CSMD1: variants seen among roughly 807,000 people sequenced by gnomAD.
The protein encoded by CSMD1 is CUB and Sushi multiple domains 1.
Under a neutral mutation model 417.5 loss-of-function variants are expected in CSMD1, and 213 were observed. That is an observed-to-expected ratio of 0.51 (90% CI 0.46 to 0.57). CSMD1 has a LOEUF of 0.57. CSMD1 is among the 20% of genes least tolerant of loss of function. The pLI is 0.00. For synonymous variants in CSMD1, 2,862 were observed against 1,736.8 expected (o/e 1.65, Z -16.11); for missense variants, 6,923 against 4,529.7 (o/e 1.53, Z -15.17).
At chr8:4,043,664 G>C (rs750072576) in intron 3 of CSMD1, among the ~76,000 whole-genome samples, 1 of 152,122 alleles carries the variant, frequency 6.6e-6, no homozygotes, top group Admixed American at 6.5e-5. Flanking sequence ...TGGTTCCTGG[G>C]TGAAACCATA....
chr8:4,764,872 C>CAAAAA (rs1194894751), intron 1 of CSMD1, among the ~76,000 whole-genome samples: 33 of 50,868 alleles, frequency 6.5e-4, no homozygotes, highest in Non-Finnish European at 8.1e-4. Context: ...GACTCCATCT[C>CAAAAA]AAAAAAAAAA....
intron 3 of CSMD1, among the ~76,000 whole-genome samples, chr8:4,260,390 TTTG>T (rs1482625436): frequency 6.6e-6 from 1 of 152,218 alleles, no homozygotes; most frequent in Non-Finnish European, 1.5e-5. Context: ...ACTTCGGGTT[TTTG>T]TTAACACTAA....
chr8:3,291,347 G>C (rs962278819), intron 25 of CSMD1, among the ~76,000 whole-genome samples: 1 of 68,464 alleles, frequency 1.5e-5, no homozygotes, highest in Non-Finnish European at 3.1e-5. Flanking sequence ...CATAAAATAA[G>C]TTAGGGAGGA....
At chr8:4,657,817 G>A (rs905416047) in intron 1 of CSMD1, among the ~76,000 whole-genome samples, 1 of 151,168 alleles carries the variant, frequency 6.6e-6, no homozygotes, top group African/African-American at 2.4e-5. Flanking sequence ...ATAGCTAAAG[G>A]AAACCATAGA....
At chr8:4,346,102 C>A (rs1584933712) in intron 3 of CSMD1, among the ~76,000 whole-genome samples, 1 of 152,122 alleles carries the variant, frequency 6.6e-6, no homozygotes, top group African/African-American at 2.4e-5. Context: ...AACTAGAAAT[C>A]TTCAGCATTA....
chr8:4,435,233 C>A (rs1798086655), intron 2 of CSMD1, among the ~76,000 whole-genome samples: 1 of 151,946 alleles, frequency 6.6e-6, no homozygotes, highest in African/African-American at 2.4e-5. Context: ...GAAAATTAAA[C>A]CTTGAAAAAA....
chr8:3,699,865 C>T (rs1445479794), intron 7 of CSMD1, among the ~76,000 whole-genome samples: 1 of 152,232 alleles, frequency 6.6e-6, no homozygotes. Flanking sequence ...AACTACATCC[C>T]TGGGTTATAT....
intron 1 of CSMD1, among the ~76,000 whole-genome samples, chr8:4,959,711 AC>A (rs1324073537): frequency 6.6e-6 from 1 of 152,194 alleles, no homozygotes; most frequent in East Asian, 1.9e-4. Flanking sequence ...CTCTCAGTTC[AC>A]GGAATGTCAA....
chr8:4,150,874 C>T (rs1338589940), intron 3 of CSMD1, among the ~76,000 whole-genome samples: 1 of 75,348 alleles, frequency 1.3e-5, no homozygotes, highest in Non-Finnish European at 2.6e-5. Context: ...AAAAAAATGT[C>T]CTGCTGAGAA....
chr8:4,847,004 G>T (rs1278745604), intron 1 of CSMD1, among the ~76,000 whole-genome samples: 1 of 151,984 alleles, frequency 6.6e-6, no homozygotes, highest in Non-Finnish European at 1.5e-5. Context: ...TTAATGATTT[G>T]TCAGTAGAAG....
At chr8:4,203,121 A>T (rs1460190195) in intron 3 of CSMD1, among the ~76,000 whole-genome samples, 1 of 152,194 alleles carries the variant, frequency 6.6e-6, no homozygotes, top group African/African-American at 2.4e-5. Flanking sequence ...TTGTCATAAC[A>T]TTTCTTAAAA....
chr8:3,695,115 T>TGTGTGTGTGTGTGTGTGG (rs999676752), intron 7 of CSMD1, among the ~76,000 whole-genome samples: 1 of 151,202 alleles, frequency 6.6e-6, no homozygotes, highest in Non-Finnish European at 1.5e-5. Context: ...TGTGTGTGTG[T>TGTGTGTGTGTGTGTGTGG]GGTTATTGAA....
chr8:4,667,869 G>A (rs1233986498), intron 1 of CSMD1, among the ~76,000 whole-genome samples: 1 of 152,038 alleles, frequency 6.6e-6, no homozygotes, highest in East Asian at 1.9e-4. Flanking sequence ...CTTAATGCAC[G>A]GCTAAAACTG....
intron 3 of CSMD1, among the ~76,000 whole-genome samples, chr8:4,201,888 G>C (rs1409844741): frequency 6.0e-4 from 2 of 3,332 alleles, no homozygotes; most frequent in Non-Finnish European, 7.2e-3. Context: ...TGGAAATTTT[G>C]GGGGGGGGGG....
intron 1 of CSMD1, among the ~76,000 whole-genome samples, chr8:4,757,543 G>A (rs1396063752): frequency 6.6e-6 from 1 of 152,152 alleles, no homozygotes; most frequent in African/African-American, 2.4e-5. Context: ...TACCATGTAG[G>A]TGACACAGAC....
chr8:4,990,862 A>C (rs1811425516), intron 1 of CSMD1, among the ~76,000 whole-genome samples: 1 of 152,162 alleles, frequency 6.6e-6, no homozygotes, highest in Non-Finnish European at 1.5e-5. Flanking sequence ...CAGGTATGGG[A>C]GGGCGCACCT....
chr8:3,929,011 T>G (rs753354145), intron 5 of CSMD1, among the ~76,000 whole-genome samples: 2 of 150,552 alleles, frequency 1.3e-5, no homozygotes, highest in Non-Finnish European at 3.0e-5. Flanking sequence ...TACCGATTTT[T>G]GGTTTCCCTG....
chr8:3,678,067 C>T (rs918640231), intron 7 of CSMD1, among the ~76,000 whole-genome samples: 11 of 152,168 alleles, frequency 7.2e-5, no homozygotes, highest in Middle Eastern at 3.4e-3. Context: ...TCAAAGATGG[C>T]TGAATAGGAA....
rs145775937 is a variant in CSMD1, at chr8:3,972,614, C to T, written c.818+25289G>A. ...AACGGCCTTTATTTTTAATGTACTA[C>T]TAAGCCATTTGCTTAAGTTAGTTTA... is the stretch of plus-strand genomic sequence containing the variant. On this transcript the variant is annotated intron_variant, in intron 5 of 69. Coordinates refer to ENST00000635120, the MANE Select transcript of CSMD1 (RefSeq NM_033225.6). Among the ~76,000 whole-genome samples, 518 of 152,270 alleles carry T rather than the reference C, an allele frequency of 3.4e-3. 2 individuals are homozygous for T. The highest frequency in any genetic ancestry group is 8.5e-3 in the South Asian group (41 of 4,832).
Sources: gnomAD v4.1 joint callset for allele counts (sites outside exome capture counted in the v4.1 genomes callset) on GRCh38, gnomAD v4.1.1 for gene constraint, MANE v1.5 for transcripts, NCBI Gene and HGNC (gene_info 2026-07-23, HGNC 2026-07-21) for gene names.